Variants in ZNF251 observed in about 807,000 individuals in gnomAD.
The protein encoded by ZNF251 is zinc finger protein 251.
ZNF251 carries 14 observed loss-of-function variants against 13.5 expected under a neutral mutation model. That is an observed-to-expected ratio of 1.04 (90% CI 0.69 to 1.63). ZNF251 has a LOEUF of 1.63. Ranked by LOEUF, ZNF251 falls within the 40% of genes most tolerant of loss-of-function variation. The probability of loss-of-function intolerance (pLI) is 0.00; values close to 1 mark genes in which losing one functional copy is unlikely to be tolerated. For synonymous variants in ZNF251, 287 were observed against 295.2 expected (o/e 0.97, Z 0.28); for missense variants, 764 against 834.9 (o/e 0.92, Z 1.05).
Position 144,721,598 on chromosome 8 carries a change from T to C in ZNF251, c.*46A>G. 1 of 1,307,798 alleles carries C rather than the reference T, an allele frequency of 7.6e-7. No individual in the cohort carries two copies. The highest frequency in any genetic ancestry group is 9.8e-7 in the Non-Finnish European group (1 of 1,018,270). 81.0% of individuals were successfully genotyped at this position (1,307,798 alleles called of 1,614,324 possible). ...TCTTTCATTATGCCATCTTATCTTC[T>C]AATGTCAAGTGAACAGTTGCTAAAC... On this transcript the variant is annotated 3_prime_UTR_variant, in exon 5 of 5. Coordinates refer to ENST00000292562, the MANE Select transcript of ZNF251 (RefSeq NM_138367.2).
chr8:144,731,962 A>ATTTTTT (rs1823710180), intron 4 of ZNF251, among the ~76,000 whole-genome samples: 2 of 120,782 alleles, frequency 1.7e-5, no homozygotes, highest in African/African-American at 1.1e-4. Flanking sequence ...TTTTTTTTTA[A>ATTTTTT]GACAGAGTCT....
At chr8:144,740,815 C>T (rs367953907) in intron 4 of ZNF251, among the ~76,000 whole-genome samples, 2 of 151,926 alleles carry the variant, frequency 1.3e-5, no homozygotes, top group Admixed American at 6.6e-5. Flanking sequence ...TGCCTGTAAT[C>T]CCAGCTACTC....
rs556631964 is a variant in ZNF251 at position 144,724,752 on chromosome 8, T to C, written c.278-1370A>G. 6.8e-4 allele frequency among the ~76,000 whole-genome samples: 103 copies of C among 152,258 alleles called. 1 individual carries two copies. Among genetic ancestry groups the C allele is most frequent in the Non-Finnish European group, 1.4e-3 (95 of 68,022 alleles). On this transcript the variant is annotated intron_variant, in intron 4 of 4. Transcript: ENST00000292562. ...GAATACAATTCTACCATTATTATAA[T>C]AGAAAGATATATAATTAAATGAAAA...
chr8:144,752,135 CAA>C (rs745386892), intron 4 of ZNF251, among the ~76,000 whole-genome samples: 11 of 86,176 alleles, frequency 1.3e-4, no homozygotes, highest in Admixed American at 2.6e-4. Context: ...ATAACTAGAC[CAA>C]AAAAAAAAAA....
At position 144,729,786 on chromosome 8, in the gene ZNF251, A is replaced by T. The variant is rs959190082; in HGVS notation, c.278-6404T>A. Among the ~76,000 whole-genome samples, 4 of 152,106 alleles carry T rather than the reference A, an allele frequency of 2.6e-5. No individual in the cohort carries two copies. The East Asian group carries it at 7.8e-4, about 30-fold the overall frequency. ...TGAAATGAGAGGAGAGCTTGAGCCC[A>T]CGAGGTGGAGGCTGCAGTGAGCTGA... On this transcript the variant is annotated intron_variant, in intron 4 of 4. Transcript: ENST00000292562.
chr8:144,751,100 C>A (rs887851458), intron 4 of ZNF251, among the ~76,000 whole-genome samples: 1 of 152,050 alleles, frequency 6.6e-6, no homozygotes, highest in Admixed American at 6.6e-5. Context: ...CCACCTGCCT[C>A]GGCCTCCCAA....
chr8:144,753,552 G>A (rs1824802536), intron 4 of ZNF251, 131 bp downstream of exon 4: 1 of 644,186 alleles, frequency 1.6e-6, no homozygotes, highest in Admixed American at 2.7e-5. Flanking sequence ...TTGTAGAGGG[G>A]CTGTATCTGT....
intron 4 of ZNF251, among the ~76,000 whole-genome samples, chr8:144,747,446 C>G (rs1282601029): frequency 6.6e-6 from 1 of 152,222 alleles, no homozygotes; most frequent in East Asian, 1.9e-4. Flanking sequence ...ATGAAGCAGT[C>G]TACAGATGTA....
intron 4 of ZNF251, among the ~76,000 whole-genome samples, chr8:144,745,708 A>C (rs1824393983): frequency 6.6e-6 from 1 of 152,058 alleles, no homozygotes; most frequent in African/African-American, 2.4e-5. Flanking sequence ...CACCAGGCCT[A>C]GCTAACAAAA....
At position 144,734,833 on chromosome 8, in the gene ZNF251, G is replaced by A. The variant is rs1217999441; in HGVS notation, c.278-11451C>T. Among the ~76,000 whole-genome samples, 2 of 152,156 alleles carry A rather than the reference G, an allele frequency of 1.3e-5. No homozygotes were observed. Among genetic ancestry groups the A allele is most frequent in the Non-Finnish European group, 2.9e-5 (2 of 68,034 alleles). ...TCACGCCTGTAATCCCAGCACTTTG[G>A]GAGGCCGAGGTGGGTAGATCACCTG... is the stretch of plus-strand genomic sequence containing the variant. On this transcript the variant is annotated intron_variant, in intron 4 of 4. Coordinates refer to ENST00000292562, the MANE Select transcript of ZNF251 (RefSeq NM_138367.2). The surrounding 1 kb of genome is among the most constrained non-coding windows in gnomAD (Gnocchi z 4.4).
chr8:144,754,569 C>T (rs1824864970), intron 2 of ZNF251, 127 bp downstream of exon 2: 4 of 1,462,798 alleles, frequency 2.7e-6, no homozygotes, highest in Non-Finnish European at 3.6e-6. Context: ...AGAACCCTTT[C>T]CTCACGGTTG....
chr8:144,723,131 C>G lies in ZNF251; in HGVS notation c.529G>C (p.Gly177Arg). 1.2e-6 allele frequency: 2 copies of G among 1,613,674 alleles called. No homozygotes were observed. The highest frequency in any genetic ancestry group is 1.1e-5 in the South Asian group (1 of 91,066). Residue 177 changes from glycine to arginine, a missense_variant, in exon 5 of 5, where the codon GGA (glycine) becomes CGA (arginine). Physicochemically the swap from Gly to Arg is moderately radical, Grantham distance 125. Coordinates refer to ENST00000292562, the MANE Select transcript of ZNF251 (RefSeq NM_138367.2). ...EATVGRERSL[G>R]ERTQECSAFD... ...GCACTACACTCTTGGGTTCTTTCTC[C>G]CAAAGATCTTTCCCTGCCCACGGTA...
chr8:144,749,003 C>A (rs138459905), intron 4 of ZNF251, among the ~76,000 whole-genome samples: 150 of 151,774 alleles, frequency 9.9e-4, no homozygotes, highest in African/African-American at 3.3e-3. Flanking sequence ...CTGATCTCTA[C>A]AAAAATAAAA....
At chr8:144,737,485 G>A (rs1177563181) in intron 4 of ZNF251, among the ~76,000 whole-genome samples, 2 of 149,234 alleles carry the variant, frequency 1.3e-5, no homozygotes, top group Non-Finnish European at 3.0e-5. Context: ...CTCCAGCCTG[G>A]GTGACAGAGC....
At position 144,721,609 on chromosome 8, in the gene ZNF251, G is replaced by A. The variant is rs1823372938; in HGVS notation, c.*35C>T. ...GCCATCTTATCTTCTAATGTCAAGTGAACAGTTGCTAAACTGTCTTCTGCA... is the reference window on the plus strand; with the variant it reads ...GCCATCTTATCTTCTAATGTCAAGTAAACAGTTGCTAAACTGTCTTCTGCA... On this transcript the variant is annotated 3_prime_UTR_variant, in exon 5 of 5. Transcript: ENST00000292562. 1.5e-6 allele frequency: 2 copies of A among 1,315,734 alleles called. No individual in the cohort carries two copies. Among genetic ancestry groups the A allele is most frequent in the Admixed American group, 3.0e-5 (1 of 33,674 alleles). The allele number at this position is 1,315,734 out of a possible 1,614,324, so 81.5% of individuals were successfully genotyped here.
intron 4 of ZNF251, among the ~76,000 whole-genome samples, chr8:144,726,270 A>T (rs1823515112): frequency 6.6e-6 from 1 of 151,312 alleles, no homozygotes; most frequent in Non-Finnish European, 1.5e-5. Flanking sequence ...ACAATGGCTC[A>T]CATCTGTTAT....
chr8:144,721,268 A>G lies in ZNF251; in HGVS notation c.*376T>C, dbSNP rs1389430190. ...TTGGAGGCAGGTATATGGGACTGAA[A>G]GTGGATGTTCTCAGCCACAAGCCTG... On this transcript the variant is annotated 3_prime_UTR_variant, in exon 5 of 5. Coordinates refer to ENST00000292562, the MANE Select transcript of ZNF251 (RefSeq NM_138367.2). The G allele has an allele frequency of 3.4e-6, 1 of 293,512 alleles. No individual in the cohort carries two copies. The highest frequency in any genetic ancestry group is 5.5e-5 in the East Asian group (1 of 18,348). 18.2% of individuals were successfully genotyped at this position (293,512 alleles called of 1,614,324 possible). A position where few individuals can be genotyped will look rare whatever the true frequency, so the allele number is the denominator to read the frequency against.
At chr8:144,736,474 T>TATTA (rs2062357629) in intron 4 of ZNF251, among the ~76,000 whole-genome samples, 1 of 144,390 alleles carries the variant, frequency 6.9e-6, no homozygotes, top group Admixed American at 7.7e-5. Context: ...TTTATTTATT[T>TATTA]ATTTATTTAT....
intron 1 of ZNF251, 23 bp from the exon 2 acceptor site, chr8:144,754,826 T>A: frequency 6.5e-7 from 1 of 1,527,408 alleles, no homozygotes. Flanking sequence ...GAACTCAGGC[T>A]CAGCCCCATT....
Sources: allele counts gnomAD v4.1 joint callset (sites outside exome capture counted in the v4.1 genomes callset), GRCh38; gene constraint gnomAD v4.1.1; non-coding constraint Gnocchi (gnomAD v3.1); transcripts MANE v1.5; gene names NCBI Gene and HGNC (gene_info 2026-07-23, HGNC 2026-07-21).